The following PCDHGB1 variants were observed in gnomAD, a reference collection of about 807,000 sequenced individuals.
PCDHGB1 encodes the protein protocadherin gamma-B1.
Under a neutral mutation model 56.6 loss-of-function variants are expected in PCDHGB1, and 34 were observed. The observed-to-expected ratio is 0.60, with a 90% CI of 0.46 to 0.80. The LOEUF is 0.80. Ranked by LOEUF, PCDHGB1 falls within the 30% of genes least tolerant of loss-of-function variation. The pLI, the probability that PCDHGB1 is intolerant of heterozygous loss-of-function variation, is 0.00. For missense variants in PCDHGB1, 1,278 were observed against 1,204.6 expected (o/e 1.06, Z -0.90); for synonymous variants, 561 against 505.9 (o/e 1.11, Z -1.46).
At chr5:141,384,585 C>G in intron 1 of PCDHGB1, 2 of 1,614,246 alleles carry the variant, frequency 1.2e-6, no homozygotes, top group South Asian at 1.1e-5. Context: ...CGCCCGAGAT[C>G]CTGTACCCGG....
intron 1 of PCDHGB1, chr5:141,414,158 G>C: frequency 6.2e-7 from 1 of 1,602,572 alleles, no homozygotes; most frequent in Non-Finnish European, 8.5e-7. Context: ...GCAGAAGATG[G>C]AGGAGCATAT....
chr5:141,444,008 A>G (rs2098413646), intron 1 of PCDHGB1, among the ~76,000 whole-genome samples: 2 of 152,140 alleles, frequency 1.3e-5, no homozygotes, highest in Non-Finnish European at 2.9e-5. Context: ...CTACCTGGGT[A>G]TTGGCTTCTA....
chr5:141,491,110 C>T lies in PCDHGB1; in HGVS notation c.2410-3697C>T. On this transcript the variant is annotated intron_variant, in intron 1 of 3. Transcript: ENST00000523390. This position sits in a 1 kb window ranked among gnomAD's most constrained non-coding sequence, Gnocchi z 6.9. ...CCCAGGACTGTTCCTCGTGTCTACA[C>T]ACACTGGTGAGGTGCGCACAGCCCG... 3.7e-6 allele frequency: 6 copies of T among 1,614,212 alleles called. No individual in the cohort carries two copies. Among genetic ancestry groups the T allele is most frequent in the Non-Finnish European group, 5.1e-6 (6 of 1,180,024 alleles).
chr5:141,443,385 T>G (rs2098386152), intron 1 of PCDHGB1, among the ~76,000 whole-genome samples: 2 of 151,940 alleles, frequency 1.3e-5, no homozygotes, highest in African/African-American at 4.8e-5. Flanking sequence ...CTTGGGAGGC[T>G]GAGGTGTGAG....
intron 1 of PCDHGB1, chr5:141,384,495 G>A (rs187774047): frequency 5.0e-6 from 8 of 1,614,162 alleles, no homozygotes; most frequent in Non-Finnish European, 6.8e-6. Context: ...AACTAAGAGT[G>A]ACTGCACATG....
chr5:141,417,618 G>C, intron 1 of PCDHGB1: 3 of 654,348 alleles, frequency 4.6e-6, no homozygotes, highest in Non-Finnish European at 7.4e-6. Flanking sequence ...CCAGTGCAGA[G>C]CAAGCGCTGA....
intron 1 of PCDHGB1, chr5:141,409,193 T>C (rs1268258873): frequency 2.5e-6 from 4 of 1,613,870 alleles, no homozygotes; most frequent in Admixed American, 1.7e-5. Flanking sequence ...CTCTACCCAG[T>C]GTAAAGTAAT....
intron 1 of PCDHGB1, chr5:141,441,038 G>T (rs1263659082): frequency 1.3e-5 from 2 of 152,156 alleles, no homozygotes; most frequent in Non-Finnish European, 2.9e-5. Flanking sequence ...AAAACTTTAA[G>T]TACATTGGAC....
intron 1 of PCDHGB1, chr5:141,430,707 CT>C: frequency 6.8e-7 from 1 of 1,478,562 alleles, no homozygotes; most frequent in Non-Finnish European, 9.0e-7. Context: ...GGAACTGCTC[CT>C]GACTTCAGTG....
At chr5:141,409,896 C>A (rs1181128940) in intron 1 of PCDHGB1, 1 of 1,613,240 alleles carries the variant, frequency 6.2e-7, no homozygotes, top group African/African-American at 1.3e-5. Context: ...GTGCTGTACC[C>A]AGCTCTGGGT....
chr5:141,465,979 G>A (rs779605313), intron 1 of PCDHGB1, among the ~76,000 whole-genome samples: 9 of 151,846 alleles, frequency 5.9e-5, no homozygotes, highest in Non-Finnish European at 1.3e-4. Flanking sequence ...AAAATTAGCC[G>A]GGCATGGTGG....
chr5:141,434,992 C>A (rs2097735368), intron 1 of PCDHGB1, among the ~76,000 whole-genome samples: 1 of 151,902 alleles, frequency 6.6e-6, no homozygotes, highest in Non-Finnish European at 1.5e-5. Context: ...ATATCATTTT[C>A]TAGCTGAATT....
At chr5:141,361,864 A>G in intron 1 of PCDHGB1, 2 of 1,611,862 alleles carry the variant, frequency 1.2e-6, no homozygotes, top group Non-Finnish European at 1.7e-6. Context: ...CCTCTTCGAT[A>G]TGGTGCCACG....
At chr5:141,422,959 C>A in intron 1 of PCDHGB1, 1 of 1,614,234 alleles carries the variant, frequency 6.2e-7, no homozygotes, top group South Asian at 1.1e-5. Context: ...TGGCGTGGAG[C>A]TGGCGCCCCG....
intron 1 of PCDHGB1, chr5:141,404,241 C>A (rs960579159): frequency 6.2e-7 from 1 of 1,613,458 alleles, no homozygotes; most frequent in African/African-American, 1.3e-5. Context: ...AGAGGAACTC[C>A]GCCCCTGTCC....
At chr5:141,423,228 C>G (rs1321708353) in intron 1 of PCDHGB1, 5 of 1,613,866 alleles carry the variant, frequency 3.1e-6, no homozygotes, top group Non-Finnish European at 2.5e-6. Context: ...CTGTGGCCGA[C>G]AGCATCCCCG....
chr5:141,389,204 T>G, intron 1 of PCDHGB1: 6 of 1,613,894 alleles, frequency 3.7e-6, no homozygotes, highest in Non-Finnish European at 5.1e-6. Context: ...CCCTGCACAT[T>G]GGTGATGTAA....
Position 141,491,260 on chromosome 5 carries a change from A to G in PCDHGB1, c.2410-3547A>G. On this transcript the variant is annotated intron_variant, in intron 1 of 3. Coordinates refer to ENST00000523390, the MANE Select transcript of PCDHGB1 (RefSeq NM_018922.3). This position sits in a 1 kb window ranked among gnomAD's most constrained non-coding sequence, Gnocchi z 6.9. ...TCTGGAGGATGAGGACCCTGAGGAA[A>G]TGCCCAAATCCAGTGACTTCCTCAT... 6.2e-7 allele frequency: 1 copy of G among 1,614,108 alleles called. No individual in the cohort carries two copies. The highest frequency in any genetic ancestry group is 1.7e-5 in the Admixed American group (1 of 60,028).
intron 1 of PCDHGB1, chr5:141,471,227 T>C (rs2099253010): frequency 6.6e-6 from 1 of 151,604 alleles, no homozygotes; most frequent in Admixed American, 6.6e-5. Flanking sequence ...TTTTTTGTAT[T>C]TTTAGTAGAG....
Sources: allele counts gnomAD v4.1 joint callset (sites outside exome capture counted in the v4.1 genomes callset), GRCh38; gene constraint gnomAD v4.1.1; non-coding constraint Gnocchi (gnomAD v3.1); transcripts MANE v1.5; gene names NCBI Gene and HGNC (gene_info 2026-07-23, HGNC 2026-07-21).